The following TBCCD1 variants were observed in gnomAD, a reference collection of about 807,000 sequenced individuals.
TBCCD1 encodes the protein TBCC domain containing 1.
In TBCCD1, 26 loss-of-function variants were observed where a neutral mutation model predicts 53.4. The ratio of observed to expected loss-of-function variants is 0.49; its 90% CI spans 0.36 to 0.68. The LOEUF is 0.68. Among genes scored for constraint, TBCCD1 ranks in the 30% least tolerant of loss-of-function variants. The pLI is 0.00. For synonymous variants in TBCCD1, 245 were observed against 241.7 expected (o/e 1.01, Z -0.13); for missense variants, 558 against 669.5 (o/e 0.83, Z 1.84).
chr3:186,567,917 C>A (rs12330837), upstream of TBCCD1, among the ~76,000 whole-genome samples: 15,265 of 152,270 alleles, frequency 0.1, 915 homozygotes, highest in African/African-American at 0.17. Context: ...TTTCCACCTT[C>A]ATGAAGCTTT....
At chr3:186,548,531 G>A (rs995708426) in intron 7 of TBCCD1, among the ~76,000 whole-genome samples, 14 of 152,176 alleles carry the variant, frequency 9.2e-5, no homozygotes, top group African/African-American at 3.4e-4. Context: ...ATAATGTTAT[G>A]TGGTAATATT....
chr3:186,549,302 AAATT>A (rs1301584657), intron 7 of TBCCD1, among the ~76,000 whole-genome samples: 4 of 152,096 alleles, frequency 2.6e-5, no homozygotes, highest in Admixed American at 6.6e-5. Flanking sequence ...ATAAATAAAT[AAATT>A]AATTAATTAA....
At chr3:186,559,193 T>G (rs186853922) in intron 2 of TBCCD1, among the ~76,000 whole-genome samples, 1 of 152,226 alleles carries the variant, frequency 6.6e-6, no homozygotes, top group Non-Finnish European at 1.5e-5. Context: ...AACTTACAAT[T>G]TAAAAAAAAC....
chr3:186,557,077 C>A (rs1017853287), intron 3 of TBCCD1, among the ~76,000 whole-genome samples: 14 of 152,134 alleles, frequency 9.2e-5, no homozygotes, highest in African/African-American at 3.4e-4. Flanking sequence ...CAGGTCGTCA[C>A]TTTAAATCTG....
rs1431988441 is a variant in TBCCD1, at chr3:186,551,284, A to G, written c.1545-5T>C. On this transcript the variant is annotated splice_region_variant and splice_polypyrimidine_tract_variant and intron_variant, in intron 6 of 7. Coordinates refer to ENST00000338733, the MANE Select transcript of TBCCD1 (RefSeq NM_018138.5). ...TGGAACTGCTTCCTTTGATCCCTAA[A>G]ATTGCGATTATGAGTAAAAAGAATA... The G allele has an allele frequency of 1.2e-6, 2 of 1,610,430 alleles. No individual in the cohort carries two copies. The highest frequency in any genetic ancestry group is 3.4e-5 in the Admixed American group (2 of 59,060).
At chr3:186,570,434 T>G, upstream of TBCCD1, 2 of 479,126 alleles carry the variant, frequency 4.2e-6, no homozygotes, top group Non-Finnish European at 7.3e-6. Context: ...AGGGATTTCG[T>G]GTACCTCAGG....
At chr3:186,563,894 T>C (rs768054111) in intron 2 of TBCCD1, 100 bp downstream of exon 2, 141 of 1,379,926 alleles carry the variant, frequency 1.0e-4, no homozygotes, top group Non-Finnish European at 1.3e-4. Flanking sequence ...TGAAACTCTG[T>C]TTCTATCTAA....
At chr3:186,549,624 C>CT (rs936245131) in intron 7 of TBCCD1, among the ~76,000 whole-genome samples, 1 of 152,138 alleles carries the variant, frequency 6.6e-6, no homozygotes, top group Admixed American at 6.5e-5. Flanking sequence ...TGCCACTGCA[C>CT]TTTAGCCTGT....
In TBCCD1 at chr3:186,558,308, T is replaced by C. The variant is rs1037892795; in HGVS notation, c.492+109A>G. The C allele has an allele frequency of 9.0e-6, 12 of 1,329,950 alleles. No individual in the cohort carries two copies. The African/African-American group carries it at 1.5e-4, about 16-fold the overall frequency. The allele number at this position is 1,329,950 out of a possible 1,614,324, so 82.4% of individuals were successfully genotyped here. ...AAAAAGTGAAAAACAAAACAAGCCATCAAATCACTGGCTTATGTAAGAAAT... is the reference window on the plus strand; with the variant it reads ...AAAAAGTGAAAAACAAAACAAGCCACCAAATCACTGGCTTATGTAAGAAAT... On this transcript the variant is annotated intron_variant, in intron 3 of 7. Transcript: ENST00000338733.
At chr3:186,569,998 AT>A (rs753545120), upstream of TBCCD1, 10 of 595,486 alleles carry the variant, frequency 1.7e-5, no homozygotes, top group Admixed American at 1.0e-4. Flanking sequence ...TGATTTACCG[AT>A]TTTTTTCCCT....
Position 186,558,533 on chromosome 3 carries a change from T to C in TBCCD1, c.376A>G (p.Ile126Val), listed in dbSNP as rs1560227435. The change falls in exon 3 of 8, where the codon ATT becomes GTT. Residue 126 changes from isoleucine to valine, a missense_variant. Physicochemically the swap from Ile to Val is conservative, Grantham distance 29 (BLOSUM62 3). Coordinates refer to ENST00000338733, the MANE Select transcript of TBCCD1 (RefSeq NM_018138.5). The stretch of plus-strand genomic sequence containing the variant: ...AGGGAGACCTTGTTCAACTGTTGAA[T>C]GTATAAGAAGAGCAGAAACTGTAGC... Reference protein sequence around the residue: ...DTLQFLLFLYIQQLNKVSLRT... With the variant: ...DTLQFLLFLYVQQLNKVSLRT... The C allele has an allele frequency of 5.0e-6, 8 of 1,614,056 alleles. No individual in the cohort carries two copies. Among genetic ancestry groups the C allele is most frequent in the Admixed American group, 1.7e-5 (1 of 60,012 alleles).
Position 186,554,903 on chromosome 3 carries a change from G to A in TBCCD1, c.1041C>T (p.Pro347=). 1 of 1,613,622 alleles carries A rather than the reference G, an allele frequency of 6.2e-7. No homozygotes were observed. The highest frequency in any genetic ancestry group is 8.5e-7 in the Non-Finnish European group (1 of 1,179,932). The part of the protein sequence containing the change: ...CNESFIYLLS[P]LRSVTIEKCR... ...ACCATGAAAACTGTGCTTACCGTAA[G>A]GGAGAGAGCAGATATATAAAAGATT... is the stretch of plus-strand genomic sequence containing the variant. The change falls in exon 5 of 8, where the codon CCC becomes CCT. Residue 347 remains proline, a synonymous_variant. Coordinates refer to ENST00000338733, the MANE Select transcript of TBCCD1 (RefSeq NM_018138.5).
rs769020301 is a variant in TBCCD1, at chr3:186,556,731, C to T, written c.537G>A (p.Leu179=). The T allele has an allele frequency of 1.9e-6, 3 of 1,614,060 alleles. No individual in the cohort carries two copies. In the Admixed American group the frequency reaches 5.0e-5, roughly 27 times the overall value. The change falls in exon 4 of 8, where the codon CTG becomes CTA. Residue 179 remains leucine (L), a synonymous_variant. Transcript: ENST00000338733. ...CTAAAAGCAGCTCGAGGAGATCAGA[C>T]AGATGATCATAGACAAAAGCTTGGT... ...YSHQAFVYDH[L]SDLLELLLDP...
intron 7 of TBCCD1, among the ~76,000 whole-genome samples, chr3:186,549,382 C>T (rs1309548871): frequency 2.0e-5 from 3 of 147,748 alleles, no homozygotes; most frequent in African/African-American, 7.5e-5. Context: ...AGTGAAACTG[C>T]TAAATCAGGG....
At chr3:186,563,425 C>G (rs1223802869) in intron 2 of TBCCD1, among the ~76,000 whole-genome samples, 1 of 152,154 alleles carries the variant, frequency 6.6e-6, no homozygotes, top group Non-Finnish European at 1.5e-5. Context: ...TCCATAAGCT[C>G]CATGAGGGTT....
At chr3:186,549,259 G>A (rs1311827384) in intron 7 of TBCCD1, among the ~76,000 whole-genome samples, 3 of 152,266 alleles carry the variant, frequency 2.0e-5, no homozygotes, top group South Asian at 4.1e-4. Context: ...CTGCACTCCA[G>A]TTTGGGGGAC....
At chr3:186,562,087 A>G (rs1714705735) in intron 2 of TBCCD1, among the ~76,000 whole-genome samples, 1 of 152,204 alleles carries the variant, frequency 6.6e-6, no homozygotes, top group South Asian at 2.1e-4. Flanking sequence ...TATGCCTGTA[A>G]TCCCAACACT....
At chr3:186,553,846 C>T (rs1403324323) in intron 6 of TBCCD1, among the ~76,000 whole-genome samples, 6 of 151,824 alleles carry the variant, frequency 4.0e-5, no homozygotes, top group Non-Finnish European at 1.5e-5. Context: ...TTTAAAAACA[C>T]ATTACTTTTT....
At chr3:186,551,007 T>C (rs1313546260) in intron 7 of TBCCD1, 122 bp downstream of exon 7, 4 of 931,388 alleles carry the variant, frequency 4.3e-6, no homozygotes, top group Non-Finnish European at 6.1e-6. Flanking sequence ...TAAAGGTCCG[T>C]GTATGCTGGT....
Sources: gnomAD v4.1 joint callset for allele counts (sites outside exome capture counted in the v4.1 genomes callset) on GRCh38, gnomAD v4.1.1 for gene constraint, MANE v1.5 for transcripts, NCBI Gene and HGNC (gene_info 2026-07-23, HGNC 2026-07-21) for gene names.